CTNNB1: variants seen among roughly 807,000 people sequenced by gnomAD.
The protein encoded by CTNNB1 is catenin beta-1.
In CTNNB1, 6 loss-of-function variants were observed where a neutral mutation model predicts 82.5. That is an observed-to-expected ratio of 0.07 (90% CI 0.04 to 0.14). CTNNB1 has a LOEUF of 0.14. Among genes scored for constraint, CTNNB1 ranks in the 10% least tolerant of loss-of-function variants. The probability of loss-of-function intolerance (pLI) is 1.00; values close to 1 mark genes in which losing one functional copy is unlikely to be tolerated. For missense variants in CTNNB1, 529 were observed against 980.4 expected, an observed-to-expected ratio of 0.54 and a Z score of 6.15; for synonymous variants, 312 against 329.7, an observed-to-expected ratio of 0.95 and a Z score of 0.58.
intron 1 of CTNNB1, among the ~76,000 whole-genome samples, chr3:41,210,637 G>A (rs1241121894): frequency 6.6e-6 from 1 of 151,886 alleles, no homozygotes; most frequent in Non-Finnish European, 1.5e-5. Context: ...AATACCTCTT[G>A]AAGGACCTAC....
At chr3:41,210,921 C>A in intron 1 of CTNNB1, 1 of 413,974 alleles carries the variant, frequency 2.4e-6, no homozygotes. Flanking sequence ...TCCCAAGTAG[C>A]TGGGACTACA....
Position 41,224,046 on chromosome 3 carries a change from G to C in CTNNB1, c.-23G>C, listed in dbSNP as rs1018043393. 1.2e-6 allele frequency: 2 copies of C among 1,613,226 alleles called. No homozygotes were observed. The highest frequency in any genetic ancestry group is 3.3e-5 in the Admixed American group (2 of 59,984). On this transcript the variant is annotated 5_prime_UTR_variant, in exon 2 of 15. Coordinates refer to ENST00000349496, the MANE Select transcript of CTNNB1 (RefSeq NM_001904.4). ...GGTATTTGAAGTATACCATACAACTGTTTTGAAAATCCAGCGTGGACAATG... is the reference window on the plus strand; with the variant it reads ...GGTATTTGAAGTATACCATACAACTCTTTTGAAAATCCAGCGTGGACAATG...
At chr3:41,228,500 T>C (rs2078231680) in intron 7 of CTNNB1, among the ~76,000 whole-genome samples, 1 of 152,260 alleles carries the variant, frequency 6.6e-6, no homozygotes, top group Admixed American at 6.5e-5. Context: ...ATATGTTTCT[T>C]GGCCACTTGT....
chr3:41,234,347 A>ATCCAAAGGATCCTGAACT (rs1422411035), intron 10 of CTNNB1, 50 bp downstream of exon 10: 1 of 1,588,760 alleles, frequency 6.3e-7, no homozygotes, highest in African/African-American at 1.3e-5. Flanking sequence ...GAATGCATAA[A>ATCCAAAGGATCCTGAACT]TCCAAAGGAT....
In CTNNB1 at chr3:41,235,800, G is replaced by C. The variant is rs762495207; in HGVS notation, c.1760G>C (p.Arg587Pro). ...ATCCTAGCTCGGGATGTTCACAACC[G>C]AATTGTTATCAGAGGACTAAATACC... ...LHILARDVHN[R>P]IVIRGLNTIP... Residue 587 changes from arginine to proline, a missense_variant, in exon 11 of 15, where the codon CGA becomes CCA. By Grantham distance (103) the Arg-to-Pro change is moderately radical. This residue lies in a region of CTNNB1 where 411 missense variants were observed against 776.4 expected (regional missense o/e 0.53). Coordinates refer to ENST00000349496, the MANE Select transcript of CTNNB1 (RefSeq NM_001904.4). 1 of 1,614,006 alleles carries C rather than the reference G, an allele frequency of 6.2e-7. No homozygotes were observed. The highest frequency in any genetic ancestry group is 1.1e-5 in the South Asian group (1 of 91,070).
At chr3:41,221,451 T>G in intron 1 of CTNNB1, 1 of 152,112 alleles carries the variant, frequency 6.6e-6, no homozygotes, top group South Asian at 2.1e-4. Context: ...AGTGATCCTC[T>G]TTGCCTCAGC....
intron 1 of CTNNB1, among the ~76,000 whole-genome samples, chr3:41,207,190 A>G (rs978527374): frequency 2.1e-4 from 32 of 152,162 alleles, no homozygotes; most frequent in African/African-American, 7.5e-4. Context: ...TACAGATGAG[A>G]TATCTAGGAA....
chr3:41,219,704 T>A (rs1575307274), intron 1 of CTNNB1, among the ~76,000 whole-genome samples: 1 of 152,218 alleles, frequency 6.6e-6, no homozygotes, highest in Non-Finnish European at 1.5e-5. Context: ...CTGTGAAAAT[T>A]ATCTCAGTTT....
In CTNNB1 at chr3:41,234,112, AT is replaced by A. The variant is rs780231908; in HGVS notation, c.1525-26del. The A allele has an allele frequency of 3.7e-6, 6 of 1,614,098 alleles. No homozygotes were observed. The East Asian group carries it at 1.3e-4, about 36-fold the overall frequency. ...TAAGAAAATGATTTTGTTGAGTTGT[AT>A]GCCAGTTCTTCCTTCTGTTTTTCAG... On this transcript the variant is annotated intron_variant, in intron 9 of 14. Coordinates refer to ENST00000349496, the MANE Select transcript of CTNNB1 (RefSeq NM_001904.4).
chr3:41,219,921 C>G (rs949802782), intron 1 of CTNNB1, among the ~76,000 whole-genome samples: 1 of 152,138 alleles, frequency 6.6e-6, no homozygotes, highest in Admixed American at 6.5e-5. Context: ...ATAGTATAGA[C>G]ATACGATACA....
intron 1 of CTNNB1, among the ~76,000 whole-genome samples, chr3:41,216,285 T>C (rs1367512748): frequency 6.6e-6 from 1 of 152,216 alleles, no homozygotes; most frequent in Non-Finnish European, 1.5e-5. Context: ...ATTCAGTGTT[T>C]AGCTGATACC....
At chr3:41,220,830 C>T (rs2078030314) in intron 1 of CTNNB1, 1 of 152,142 alleles carries the variant, frequency 6.6e-6, no homozygotes, top group Admixed American at 6.5e-5. Context: ...GTTAATAATA[C>T]TCAAACTTAC....
intron 1 of CTNNB1, among the ~76,000 whole-genome samples, chr3:41,211,239 A>G (rs556103754): frequency 3.3e-5 from 5 of 152,204 alleles, no homozygotes; most frequent in Non-Finnish European, 7.3e-5. Flanking sequence ...TTTCAGCTCC[A>G]TTATAATCTT....
intron 1 of CTNNB1, among the ~76,000 whole-genome samples, chr3:41,215,618 T>C (rs1436627054): frequency 6.6e-6 from 1 of 152,090 alleles, no homozygotes; most frequent in Non-Finnish European, 1.5e-5. Context: ...TTCATTAGGC[T>C]CTTTAAAATT....
At chr3:41,235,958 A>G in intron 11 of CTNNB1, 115 bp downstream of exon 11, 2 of 1,295,444 alleles carry the variant, frequency 1.5e-6, no homozygotes, top group Admixed American at 1.7e-5. Flanking sequence ...ATTTAATTTT[A>G]TGAAAATTCC....
At chr3:41,239,022 T>C (rs1344665890) in intron 14 of CTNNB1, 112 bp from the exon 15 acceptor site, 1 of 911,734 alleles carries the variant, frequency 1.1e-6, no homozygotes, top group African/African-American at 1.6e-5. Context: ...TCTGACAAGT[T>C]TGCTGCTGAA....
At chr3:41,227,376 G>C (rs2125628559) in intron 7 of CTNNB1, 24 bp downstream of exon 7, 1 of 1,612,674 alleles carries the variant, frequency 6.2e-7, no homozygotes, top group Non-Finnish European at 8.5e-7. Flanking sequence ...TCTATTCTGA[G>C]TCTTGTGTAT....
At chr3:41,214,047 A>C (rs2077859091) in intron 1 of CTNNB1, among the ~76,000 whole-genome samples, 1 of 152,226 alleles carries the variant, frequency 6.6e-6, no homozygotes, top group African/African-American at 2.4e-5. Flanking sequence ...TGTTGTCTTA[A>C]CAAATAGATG....
chr3:41,240,173 G>GTATAAAATAGACAAATAGAA lies in CTNNB1; in HGVS notation c.*832_*851dup. 4.9e-6 allele frequency: 1 copy of GTATAAAATAGACAAATAGAA among 203,196 alleles called. No homozygotes were observed. The highest frequency in any genetic ancestry group is 1.0e-5 in the Non-Finnish European group (1 of 98,818). The allele number at this position is 203,196 out of a possible 1,614,324, so 12.6% of individuals were successfully genotyped here. On this transcript the variant is annotated 3_prime_UTR_variant, in exon 15 of 15. Coordinates refer to ENST00000349496, the MANE Select transcript of CTNNB1 (RefSeq NM_001904.4). The stretch of plus-strand genomic sequence containing the variant: ...AGTGTAACAATTGTGTAGCCTTTTT[G>GTATAAAATAGACAAATAGAA]TATAAAATAGACAAATAGAAAATGG...
Sources: gnomAD v4.1 joint callset for allele counts (sites outside exome capture counted in the v4.1 genomes callset) on GRCh38, gnomAD v4.1.1 for gene constraint, gnomAD v4.1.1 regional missense constraint, MANE v1.5 for transcripts, NCBI Gene and HGNC (gene_info 2026-07-23, HGNC 2026-07-21) for gene names.